TCF7L2: variants seen among roughly 807,000 people sequenced by gnomAD.
TCF7L2 encodes the protein transcription factor 7 like 2, also known as transcription factor 7-like 2.
A neutral mutation model predicts 77.9 loss-of-function variants in TCF7L2; 23 were observed. That is an observed-to-expected ratio of 0.30 (90% confidence interval 0.21 to 0.42). The LOEUF is 0.42. Ranked by LOEUF, TCF7L2 falls within the 10% of genes least tolerant of loss-of-function variation. TCF7L2 has a pLI of 1.00. For synonymous variants in TCF7L2, 413 were observed against 340.2 expected (o/e 1.21, Z -2.36); for missense variants, 654 against 793.1 (o/e 0.82, Z 2.11).
At chr10:113,037,023 T>G (rs1479036312) in intron 4 of TCF7L2, among the ~76,000 whole-genome samples, 1 of 152,180 alleles carries the variant, frequency 6.6e-6, no homozygotes, top group Non-Finnish European at 1.5e-5. Flanking sequence ...AAATTCCTGC[T>G]GCTTAATGTC....
intron 5 of TCF7L2, among the ~76,000 whole-genome samples, chr10:113,095,810 C>T (rs993519855): frequency 6.6e-6 from 1 of 152,238 alleles, no homozygotes; most frequent in Non-Finnish European, 1.5e-5. Flanking sequence ...TGTTCCTGCA[C>T]CCTGCATCCT....
At chr10:112,996,392 T>C (rs2043491737) in intron 4 of TCF7L2, among the ~76,000 whole-genome samples, 2 of 152,070 alleles carry the variant, frequency 1.3e-5, no homozygotes, top group Admixed American at 1.3e-4. Flanking sequence ...AAAGGGGCCA[T>C]GTTGTGGTCT....
At chr10:113,096,429 T>C (rs975485400) in intron 5 of TCF7L2, among the ~76,000 whole-genome samples, 4 of 152,206 alleles carry the variant, frequency 2.6e-5, no homozygotes, top group Non-Finnish European at 4.4e-5. Context: ...ATGGACCTTA[T>C]TGGAAAGGTA....
intron 5 of TCF7L2, among the ~76,000 whole-genome samples, chr10:113,137,160 A>C (rs1240617477): frequency 1.3e-5 from 2 of 152,182 alleles, no homozygotes; most frequent in African/African-American, 4.8e-5. Context: ...TATGTGCCTG[A>C]GGAGAGTGCC....
intron 5 of TCF7L2, among the ~76,000 whole-genome samples, chr10:113,073,604 A>G (rs1380487263): frequency 1.4e-5 from 2 of 144,912 alleles, no homozygotes; most frequent in African/African-American, 5.1e-5. Flanking sequence ...AGGCGGGAGG[A>G]TCGCTTGAGC....
intron 5 of TCF7L2, among the ~76,000 whole-genome samples, chr10:113,108,803 C>T (rs1426888488): frequency 6.6e-6 from 1 of 152,224 alleles, no homozygotes; most frequent in Admixed American, 6.5e-5. Flanking sequence ...AGTTAAAAAG[C>T]ATTTGTTCAA....
At chr10:113,063,465 G>A (rs1199841640) in intron 5 of TCF7L2, among the ~76,000 whole-genome samples, 5 of 152,090 alleles carry the variant, frequency 3.3e-5, no homozygotes, top group Admixed American at 1.3e-4. Flanking sequence ...TTGAGATTGT[G>A]GTGGCCCTGG....
At chr10:113,071,906 G>T (rs1043731422) in intron 5 of TCF7L2, among the ~76,000 whole-genome samples, 3 of 152,246 alleles carry the variant, frequency 2.0e-5, no homozygotes, top group Non-Finnish European at 4.4e-5. Flanking sequence ...TGTGGATGCT[G>T]GAGTAAGTGG....
At chr10:113,121,768 TACACACAAC>T (rs949496390) in intron 5 of TCF7L2, among the ~76,000 whole-genome samples, 40 of 139,644 alleles carry the variant, frequency 2.9e-4, no homozygotes, top group African/African-American at 1.1e-3. Context: ...CACGCACACA[TACACACAAC>T]ACACACACAC....
Position 112,950,540 on chromosome 10 carries a change from C to A in TCF7L2, c.-217C>A. On this transcript the variant is annotated 5_prime_UTR_variant, in exon 1 of 14. Transcript: ENST00000627217. ...ACGAGAGAAAAAAGAAACCCAAACT[C>A]ACGCGTGCAGAAGATCTCCCCCCCC... The A allele has an allele frequency of 2.0e-6, 1 of 492,344 alleles. No homozygotes were observed. The highest frequency in any genetic ancestry group is 2.9e-5 in the South Asian group (1 of 34,118). The allele number at this position is 492,344 out of a possible 1,614,324, so 30.5% of individuals were successfully genotyped here.
chr10:113,016,396 A>G (rs1329308048), intron 4 of TCF7L2, among the ~76,000 whole-genome samples: 1 of 152,220 alleles, frequency 6.6e-6, no homozygotes, highest in South Asian at 2.1e-4. Context: ...ACTAAATTTA[A>G]TGATATCTGG....
chr10:112,951,312 G>T (rs1564698514), intron 2 of TCF7L2, 39 bp downstream of exon 2: 2 of 1,042,272 alleles, frequency 1.9e-6, no homozygotes, highest in Non-Finnish European at 1.2e-6. Flanking sequence ...GCCCGGAGCC[G>T]CCCCCCGGGC....
chr10:112,951,395 C>A lies in TCF7L2; in HGVS notation c.257-88C>A, dbSNP rs1342643708. ...GCGCCGGCCCGGTCGGGGCGCCCGGCCCCTCGGGGCACTTTCTAAAAAGTT... is the reference window on the plus strand; with the variant it reads ...GCGCCGGCCCGGTCGGGGCGCCCGGACCCTCGGGGCACTTTCTAAAAAGTT... On this transcript the variant is annotated intron_variant, in intron 2 of 13. Coordinates refer to ENST00000627217, the MANE Select transcript of TCF7L2 (RefSeq NM_001146274.2). The A allele has an allele frequency of 2.0e-5, 24 of 1,208,610 alleles. No homozygotes were observed. In the South Asian group the frequency reaches 2.8e-4, roughly 14 times the overall value. 74.9% of individuals were successfully genotyped at this position (1,208,610 alleles called of 1,614,324 possible).
intron 3 of TCF7L2, among the ~76,000 whole-genome samples, chr10:112,952,709 G>A (rs2032171069): frequency 6.6e-6 from 1 of 152,034 alleles, no homozygotes; most frequent in African/African-American, 2.4e-5. Context: ...CCGATCGCCG[G>A]CCACCCAACT....
chr10:113,037,730 G>A (rs1394260450), intron 4 of TCF7L2, among the ~76,000 whole-genome samples: 1 of 152,228 alleles, frequency 6.6e-6, no homozygotes, highest in East Asian at 1.9e-4. Context: ...GTATTTGGAT[G>A]TAATCAAATC....
intron 8 of TCF7L2, among the ~76,000 whole-genome samples, chr10:113,150,249 A>G (rs1225440080): frequency 6.6e-6 from 1 of 152,202 alleles, no homozygotes; most frequent in Non-Finnish European, 1.5e-5. Context: ...TAGGAATCCT[A>G]AATTTTAGAG....
chr10:113,012,341 G>A (rs772708736), intron 4 of TCF7L2, among the ~76,000 whole-genome samples: 3 of 152,176 alleles, frequency 2.0e-5, no homozygotes, highest in African/African-American at 7.2e-5. Flanking sequence ...TTTATGAAAC[G>A]TAGGAGAGTG....
chr10:113,098,911 C>A (rs562492717), intron 5 of TCF7L2, among the ~76,000 whole-genome samples: 1 of 152,142 alleles, frequency 6.6e-6, no homozygotes, highest in Non-Finnish European at 1.5e-5. Context: ...TTATTATTTT[C>A]TCCATTTGAT....
intron 5 of TCF7L2, among the ~76,000 whole-genome samples, chr10:113,043,940 C>G (rs2052951806): frequency 6.6e-6 from 1 of 151,906 alleles, no homozygotes; most frequent in South Asian, 2.1e-4. Context: ...CCTTTGTATC[C>G]AGCAAAAAAA....
Sources: allele counts gnomAD v4.1 joint callset (sites outside exome capture counted in the v4.1 genomes callset), GRCh38; gene constraint gnomAD v4.1.1; transcripts MANE v1.5; gene names NCBI Gene and HGNC (gene_info 2026-07-23, HGNC 2026-07-21).